The following AP1S2 variants were observed in gnomAD, a reference collection of about 807,000 sequenced individuals.
AP1S2 encodes adaptor related protein complex 1 subunit sigma 2.
Under a neutral mutation model 14.3 loss-of-function variants are expected in AP1S2, and 1 was observed. That is an observed-to-expected ratio of 0.07 (90% CI 0.02 to 0.33). The LOEUF (loss-of-function observed/expected upper bound fraction) is 0.33. AP1S2 is among the 10% of genes least tolerant of loss of function. The pLI is 0.99. For missense variants in AP1S2, 30 were observed against 117.7 expected, an observed-to-expected ratio of 0.25 and a Z score of 3.45; for synonymous variants, 30 against 40.5, an observed-to-expected ratio of 0.74 and a Z score of 0.99.
At chrX:15,853,346 T>A (rs1390903623) in intron 1 of AP1S2, among the ~76,000 whole-genome samples, 2 of 112,650 alleles carry the variant, frequency 1.8e-5, no homozygotes, top group Non-Finnish European at 3.8e-5. Flanking sequence ...TAAACTAATT[T>A]GTATGTATTT....
chrX:15,851,986 C>T (rs1177807588), intron 2 of AP1S2, among the ~76,000 whole-genome samples: 1 of 112,006 alleles, frequency 8.9e-6, no homozygotes, highest in East Asian at 2.8e-4. Flanking sequence ...GAATTAGACT[C>T]TATCTGTACT....
At chrX:15,852,866 G>A (rs1177220509) in intron 1 of AP1S2, 2 of 748,433 alleles carry the variant, frequency 2.7e-6, no homozygotes, top group African/African-American at 2.3e-5. Context: ...TATACATTGC[G>A]CACTCTCTAT....
intron 2 of AP1S2, among the ~76,000 whole-genome samples, chrX:15,851,798 T>G (rs923154166): frequency 8.9e-6 from 1 of 112,249 alleles, no homozygotes; most frequent in African/African-American, 3.2e-5. Context: ...ACAAGGGTAC[T>G]TAAAAGTTAA....
intron 4 of AP1S2, among the ~76,000 whole-genome samples, chrX:15,834,480 A>ATATATATAT (rs1483118039): frequency 5.8e-3 from 118 of 20,249 alleles, no homozygotes; most frequent in South Asian, 0.011. Context: ...ATATATATAT[A>ATATATATAT]ATTTTTTTTT....
intron 2 of AP1S2, among the ~76,000 whole-genome samples, chrX:15,851,421 T>C (rs187812892): frequency 4.7e-4 from 53 of 112,231 alleles, no homozygotes; most frequent in Admixed American, 1.4e-3. Flanking sequence ...CCCACCCTCA[T>C]TGTATCCCAT....
intron 4 of AP1S2, among the ~76,000 whole-genome samples, chrX:15,836,417 T>G (rs996885855): frequency 2.7e-5 from 3 of 112,533 alleles, no homozygotes; most frequent in African/African-American, 9.7e-5. Context: ...TTCTGCCATC[T>G]TTTTCTATTG....
At chrX:15,836,526 C>T (rs1933643921) in intron 4 of AP1S2, among the ~76,000 whole-genome samples, 1 of 111,992 alleles carries the variant, frequency 8.9e-6, no homozygotes, top group Non-Finnish European at 1.9e-5. Context: ...CTCTAAAACC[C>T]ATTAGTTATC....
intron 2 of AP1S2, 133 bp from the exon 3 acceptor site, chrX:15,846,144 C>G (rs995250213): frequency 3.9e-6 from 2 of 507,494 alleles, no homozygotes; most frequent in African/African-American, 2.4e-5. Context: ...ACAGATTTTT[C>G]TCATAGACTA....
At chrX:15,845,829 A>G in intron 3 of AP1S2, 74 bp downstream of exon 3, 1 of 927,259 alleles carries the variant, frequency 1.1e-6, no homozygotes, top group Non-Finnish European at 1.6e-6. Flanking sequence ...AGACAACCAA[A>G]AAATAAACTT....
intron 4 of AP1S2, among the ~76,000 whole-genome samples, chrX:15,834,887 A>G (rs1224460977): frequency 9.0e-6 from 1 of 110,668 alleles, no homozygotes; most frequent in African/African-American, 3.3e-5. Flanking sequence ...AACACCCTAC[A>G]AAAAGGACCA....
At position 15,847,553 on chromosome X, in the gene AP1S2, G is replaced by A. The variant is rs143494425; in HGVS notation, c.180-1542C>T. 1.9e-4 allele frequency among the ~76,000 whole-genome samples: 21 copies of A among 112,094 alleles called. No homozygotes were observed. In the East Asian group the frequency reaches 5.8e-3, roughly 31 times the overall value. On this transcript the variant is annotated intron_variant, in intron 2 of 5. Coordinates refer to ENST00000672987, the MANE Select transcript of AP1S2 (RefSeq NM_001272071.2). ...TTATTGAGAGGAGGTATTCACATGTGTTCATTTATCATCATTGTGAAGGGA... is the reference window on the plus strand; with the variant it reads ...TTATTGAGAGGAGGTATTCACATGTATTCATTTATCATCATTGTGAAGGGA...
intron 4 of AP1S2, among the ~76,000 whole-genome samples, chrX:15,837,800 T>A (rs1933695188): frequency 9.1e-6 from 1 of 109,360 alleles, no homozygotes; most frequent in Non-Finnish European, 1.9e-5. Context: ...AGAGACAGGG[T>A]TTCACCATGT....
intron 4 of AP1S2, among the ~76,000 whole-genome samples, chrX:15,841,473 A>T (rs925842617): frequency 9.0e-6 from 1 of 111,521 alleles, no homozygotes; most frequent in Non-Finnish European, 1.9e-5. Context: ...TCTACTACAA[A>T]TGTAAGTCTG....
intron 4 of AP1S2, among the ~76,000 whole-genome samples, chrX:15,838,838 C>T (rs1170646642): frequency 9.0e-6 from 1 of 110,982 alleles, no homozygotes; most frequent in African/African-American, 3.3e-5. Flanking sequence ...GCCTCCGCTT[C>T]CTGGGTTCAA....
intron 4 of AP1S2, among the ~76,000 whole-genome samples, chrX:15,843,641 A>G (rs752025059): frequency 2.3e-4 from 26 of 112,334 alleles, no homozygotes; most frequent in Non-Finnish European, 4.5e-4. Flanking sequence ...TTTTAAAGCC[A>G]ATGTAATTAA....
chrX:15,844,260 C>T (rs183001635), intron 4 of AP1S2, among the ~76,000 whole-genome samples: 11 of 112,224 alleles, frequency 9.8e-5, no homozygotes, highest in African/African-American at 3.2e-4. Context: ...TTACTCTTCT[C>T]CCCTTATTTC....
chrX:15,854,216 C>G (rs559145726), intron 1 of AP1S2, among the ~76,000 whole-genome samples: 1 of 112,501 alleles, frequency 8.9e-6, no homozygotes, highest in South Asian at 3.6e-4. Context: ...TGGGCTCAGC[C>G]GCGGCGCGGG....
intron 4 of AP1S2, among the ~76,000 whole-genome samples, chrX:15,844,088 G>A (rs1388566604): frequency 8.9e-6 from 1 of 112,041 alleles, no homozygotes; most frequent in Non-Finnish European, 1.9e-5. Flanking sequence ...AGTGTACAAT[G>A]CATTGTCTCA....
intron 4 of AP1S2, chrX:15,831,403 G>A (rs1279575863): frequency 1.4e-6 from 1 of 719,930 alleles, no homozygotes; most frequent in Non-Finnish European, 1.6e-6. Context: ...AATCATAAAA[G>A]TACTAGTTCT....
Sources: allele counts gnomAD v4.1 joint callset (sites outside exome capture counted in the v4.1 genomes callset), GRCh38; gene constraint gnomAD v4.1.1; transcripts MANE v1.5; gene names NCBI Gene and HGNC (gene_info 2026-07-23, HGNC 2026-07-21).